Variants in ZFYVE9 observed in about 807,000 individuals in gnomAD.
ZFYVE9 encodes zinc finger FYVE-type containing 9.
In ZFYVE9, 43 loss-of-function variants were observed where a neutral mutation model predicts 126.7. That is an observed-to-expected ratio of 0.34 (90% CI 0.27 to 0.44). The LOEUF (loss-of-function observed/expected upper bound fraction) is 0.44. Ranked by LOEUF, ZFYVE9 falls within the 20% of genes least tolerant of loss-of-function variation. The pLI, the probability that ZFYVE9 is intolerant of heterozygous loss-of-function variation, is 1.00. For synonymous variants in ZFYVE9, 521 were observed against 597.4 expected (o/e 0.87, Z 1.87); for missense variants, 1,476 against 1,697.0 (o/e 0.87, Z 2.29).
intron 4 of ZFYVE9, chr1:52,252,823 G>C (rs66506358): frequency 3.1e-6 from 1 of 324,702 alleles, no homozygotes; most frequent in Non-Finnish European, 6.5e-6. Context: ...CAGCCCAGAG[G>C]TTGCGGCCAA....
chr1:52,153,436 C>T (rs965682995), intron 1 of ZFYVE9, among the ~76,000 whole-genome samples: 2 of 152,274 alleles, frequency 1.3e-5, no homozygotes, highest in East Asian at 3.9e-4. Context: ...GGTTGTTTAC[C>T]TAGTGGTTTG....
At chr1:52,277,194 ATTG>A (rs1045876419) in intron 8 of ZFYVE9, among the ~76,000 whole-genome samples, 1 of 132,730 alleles carries the variant, frequency 7.5e-6, no homozygotes, top group Non-Finnish European at 1.8e-5. Flanking sequence ...GTTGGATTCT[ATTG>A]TTAGTAAAAT....
At chr1:52,315,157 A>T (rs914419218) in intron 13 of ZFYVE9, among the ~76,000 whole-genome samples, 5 of 152,200 alleles carry the variant, frequency 3.3e-5, no homozygotes, top group Non-Finnish European at 7.3e-5. Flanking sequence ...GGCCGGGTGC[A>T]GTGGCTCATG....
At chr1:52,266,405 TAA>T (rs33996604) in intron 5 of ZFYVE9, among the ~76,000 whole-genome samples, 5,536 of 85,312 alleles carry the variant, frequency 0.065, 328 homozygotes, top group African/African-American at 0.17. Flanking sequence ...TCTAATTCTT[TAA>T]AAAAAAAAAA....
At chr1:52,145,054 T>G (rs969751760) in intron 1 of ZFYVE9, among the ~76,000 whole-genome samples, 1 of 152,190 alleles carries the variant, frequency 6.6e-6, no homozygotes, top group Non-Finnish European at 1.5e-5. Context: ...TGTTACAAGG[T>G]AGGTCAGACA....
chr1:52,182,225 G>A (rs1463378607), intron 1 of ZFYVE9, among the ~76,000 whole-genome samples: 2 of 152,206 alleles, frequency 1.3e-5, no homozygotes, highest in African/African-American at 2.4e-5. Flanking sequence ...CCCTCTGCCC[G>A]GCCACCACCC....
chr1:52,210,719 A>G (rs761239762), intron 1 of ZFYVE9, among the ~76,000 whole-genome samples: 45 of 152,166 alleles, frequency 3.0e-4, no homozygotes, highest in Admixed American at 9.8e-4. Context: ...CAGTGGTGCA[A>G]TCTTGGCTCA....
chr1:52,157,344 G>A (rs1415406752), intron 1 of ZFYVE9, among the ~76,000 whole-genome samples: 1 of 148,848 alleles, frequency 6.7e-6, no homozygotes, highest in Non-Finnish European at 1.5e-5. Flanking sequence ...ATATTAAGCA[G>A]CACTGATTTT....
intron 3 of ZFYVE9, 122 bp downstream of exon 3, chr1:52,233,398 T>A: frequency 1.9e-5 from 10 of 516,354 alleles, no homozygotes; most frequent in Non-Finnish European, 3.1e-5. Flanking sequence ...TAATATTATT[T>A]AATAATATAC....
At chr1:52,178,238 C>T (rs1239118194) in intron 1 of ZFYVE9, among the ~76,000 whole-genome samples, 1 of 137,226 alleles carries the variant, frequency 7.3e-6, no homozygotes, top group African/African-American at 2.7e-5. Context: ...CAGATCCCGC[C>T]ACTGCACTCC....
intron 13 of ZFYVE9, among the ~76,000 whole-genome samples, chr1:52,319,131 A>T (rs1003340086): frequency 1.3e-5 from 2 of 152,154 alleles, no homozygotes; most frequent in Non-Finnish European, 2.9e-5. Flanking sequence ...ATATGACATA[A>T]TTTGGGATAA....
chr1:52,171,448 C>T (rs527714621), intron 1 of ZFYVE9, among the ~76,000 whole-genome samples: 53 of 152,186 alleles, frequency 3.5e-4, no homozygotes, highest in African/African-American at 1.1e-3. Context: ...TGAATAGTGC[C>T]GCAATAAACA....
At chr1:52,250,038 A>G (rs1645428601) in intron 4 of ZFYVE9, among the ~76,000 whole-genome samples, 1 of 152,152 alleles carries the variant, frequency 6.6e-6, no homozygotes, top group Non-Finnish European at 1.5e-5. Flanking sequence ...AGTTTTGAAA[A>G]CATGGAATGT....
chr1:52,305,649 G>T (rs1333925346), intron 13 of ZFYVE9, among the ~76,000 whole-genome samples: 1 of 152,110 alleles, frequency 6.6e-6, no homozygotes, highest in Non-Finnish European at 1.5e-5. Context: ...CCAAGGTGCA[G>T]CTGCCCAAGT....
intron 8 of ZFYVE9, among the ~76,000 whole-genome samples, chr1:52,276,126 T>G (rs1645746148): frequency 6.6e-6 from 1 of 152,018 alleles, no homozygotes; most frequent in South Asian, 2.1e-4. Context: ...CAGGCTGGTC[T>G]TGAACTCTTG....
intron 13 of ZFYVE9, among the ~76,000 whole-genome samples, chr1:52,306,132 T>G (rs1646082382): frequency 6.6e-6 from 1 of 152,134 alleles, no homozygotes; most frequent in Non-Finnish European, 1.5e-5. Flanking sequence ...TCCCATGGAC[T>G]GTAGTGGGAA....
chr1:52,244,914 T>C (rs1400079321), intron 4 of ZFYVE9, among the ~76,000 whole-genome samples: 4 of 152,130 alleles, frequency 2.6e-5, no homozygotes, highest in African/African-American at 9.7e-5. Flanking sequence ...TCTCAGCACT[T>C]TGGGAGGCTG....
rs1413857694 is a variant in ZFYVE9, at chr1:52,346,006, T to C, written c.4117-54T>C. Reference sequence around the variant, plus strand: ...TGCTCAGCCTCCTTGCCCTCAGCCCTGGAGAGGCCTTCTCTGTTCAGTAAC... The same window carrying C: ...TGCTCAGCCTCCTTGCCCTCAGCCCCGGAGAGGCCTTCTCTGTTCAGTAAC... On this transcript the variant is annotated intron_variant, in intron 18 of 18. Coordinates refer to ENST00000287727, the MANE Select transcript of ZFYVE9 (RefSeq NM_004799.4). The C allele has an allele frequency of 4.7e-6, 7 of 1,489,934 alleles. No homozygotes were observed. In the Admixed American group the frequency reaches 1.5e-4, roughly 32 times the overall value. The allele number at this position is 1,489,934 out of a possible 1,614,324, so 92.3% of individuals were successfully genotyped here.
intron 1 of ZFYVE9, among the ~76,000 whole-genome samples, chr1:52,175,670 A>G (rs528690664): frequency 6.6e-6 from 1 of 152,144 alleles, no homozygotes; most frequent in Admixed American, 6.5e-5. Flanking sequence ...GTCTTTTCAC[A>G]TAGTCCCATT....
Sources: allele counts gnomAD v4.1 joint callset (sites outside exome capture counted in the v4.1 genomes callset), GRCh38; gene constraint gnomAD v4.1.1; transcripts MANE v1.5; gene names NCBI Gene and HGNC (gene_info 2026-07-23, HGNC 2026-07-21).